The following PSD3 variants were observed in gnomAD, a reference collection of about 807,000 sequenced individuals.
The protein encoded by PSD3 is pleckstrin and Sec7 domain containing 3, also known as PH and SEC7 domain-containing protein 3.
A neutral mutation model predicts 105.5 loss-of-function variants in PSD3; 49 were observed. That is an observed-to-expected ratio of 0.46 (90% confidence interval 0.37 to 0.59). The LOEUF (loss-of-function observed/expected upper bound fraction) is 0.59, where lower values mean the gene tolerates loss of function less well. Among genes scored for constraint, PSD3 ranks in the 20% least tolerant of loss-of-function variants. PSD3 has a pLI of 0.00. For synonymous variants in PSD3, 557 were observed against 457.8 expected, an observed-to-expected ratio of 1.22 and a Z score of -2.77; for missense variants, 1,561 against 1,263.8, an observed-to-expected ratio of 1.24 and a Z score of -3.57.
rs185238336 is a variant in PSD3, at chr8:18,957,729, C to T, written c.22-21587G>A. Reference sequence around the variant, plus strand: ...TGCTCATCTAGAACACAGCAGTTTCCGAGGTTCTTATGAGGCTCTCTAGCA... The same window carrying T: ...TGCTCATCTAGAACACAGCAGTTTCTGAGGTTCTTATGAGGCTCTCTAGCA... On this transcript the variant is annotated intron_variant, in intron 1 of 15. Transcript: ENST00000327040. Among the ~76,000 whole-genome samples the T allele has an allele frequency of 2.0e-3, 307 of 152,298 alleles. 4 individuals are homozygous for T. The highest frequency in any genetic ancestry group is 0.019 in the Admixed American group (284 of 15,290).
chr8:18,573,783 T>C (rs1585276966), intron 13 of PSD3, among the ~76,000 whole-genome samples: 1 of 152,126 alleles, frequency 6.6e-6, no homozygotes, highest in East Asian at 1.9e-4. Flanking sequence ...TGCCTGGGGC[T>C]GGAGGTGAGA....
intron 1 of PSD3, among the ~76,000 whole-genome samples, chr8:18,975,319 T>A (rs372355882): frequency 5.0e-5 from 6 of 120,748 alleles, no homozygotes; most frequent in Admixed American, 3.4e-4. Flanking sequence ...CTGAAATTTT[T>A]TTTTTTTTTT....
At chr8:18,653,663 G>A (rs1808685085) in intron 10 of PSD3, among the ~76,000 whole-genome samples, 1 of 151,958 alleles carries the variant, frequency 6.6e-6, no homozygotes, top group Non-Finnish European at 1.5e-5. Flanking sequence ...CAGTTACTGG[G>A]TAAACTCCCG....
intron 9 of PSD3, among the ~76,000 whole-genome samples, chr8:18,730,521 C>T (rs745368587): frequency 6.6e-6 from 1 of 152,136 alleles, no homozygotes; most frequent in African/African-American, 2.4e-5. Flanking sequence ...ACCCTTAGTA[C>T]CTCTGAGGAA....
rs201369401 is a variant in PSD3, at chr8:18,872,020, C to T, written c.844G>A (p.Gly282Arg). 6.2e-7 allele frequency: 1 copy of T among 1,614,182 alleles called. No individual in the cohort carries two copies. The highest frequency in any genetic ancestry group is 8.5e-7 in the Non-Finnish European group (1 of 1,180,030). Reference protein sequence around the residue: ...QRSALGREHPGGCDRSSSMGR... With the variant: ...QRSALGREHPRGCDRSSSMGR... ...ATGGAGCTGCTTCGATCACATCCCC[C>T]TGGGTGCTCTCTCCCAAGAGCAGAC... Residue 282 changes from glycine (G) to arginine (R), a missense_variant, in exon 3 of 16, where the codon GGG (glycine) becomes AGG (arginine). Physicochemically the swap from Gly to Arg is moderately radical, Grantham distance 125 (BLOSUM62 -2). Coordinates refer to ENST00000327040, the MANE Select transcript of PSD3 (RefSeq NM_015310.4).
At chr8:18,920,974 CTTATAA>C (rs2129467233) in intron 2 of PSD3, among the ~76,000 whole-genome samples, 1 of 152,270 alleles carries the variant, frequency 6.6e-6, no homozygotes, top group South Asian at 2.1e-4. Flanking sequence ...TCTACCTATA[CTTATAA>C]TATTTTCAAA....
chr8:18,831,434 A>T (rs1188525472), intron 4 of PSD3, among the ~76,000 whole-genome samples: 2 of 152,204 alleles, frequency 1.3e-5, no homozygotes, highest in Non-Finnish European at 2.9e-5. Context: ...GTTCAACATG[A>T]CATCAGGCCA....
chr8:18,772,837 G>A (rs1414461433), intron 8 of PSD3, among the ~76,000 whole-genome samples: 2 of 152,090 alleles, frequency 1.3e-5, no homozygotes, highest in Non-Finnish European at 2.9e-5. Flanking sequence ...ACCATCTTTG[G>A]ATAAATATCT....
chr8:18,965,696 C>A (rs917050480), intron 1 of PSD3, among the ~76,000 whole-genome samples: 3 of 152,172 alleles, frequency 2.0e-5, no homozygotes, highest in East Asian at 1.9e-4. Flanking sequence ...GTCAAGCTTG[C>A]AAGATTCTGG....
At position 18,871,627 on chromosome 8, in the gene PSD3, T is replaced by C; in HGVS notation, c.1237A>G (p.Arg413Gly). 6.3e-7 allele frequency: 1 copy of C among 1,597,980 alleles called. No individual in the cohort carries two copies. Among genetic ancestry groups the C allele is most frequent in the East Asian group, 2.2e-5 (1 of 44,754 alleles). ...AGCAGGGCTACTATGGGAGCTCACC[T>C]TTCCCTGTCTCTCTCTGGTTTAGGT... ...KTPKPERDRE[R>G]ISEQEEHVKG... The change falls in exon 3 of 16, where the codon AGG becomes GGG. Residue 413 changes from arginine (R) to glycine (G), a missense_variant and splice_region_variant. Coordinates refer to ENST00000327040, the MANE Select transcript of PSD3 (RefSeq NM_015310.4).
chr8:18,990,006 C>T (rs1322107843), intron 1 of PSD3, among the ~76,000 whole-genome samples: 3 of 152,096 alleles, frequency 2.0e-5, no homozygotes, highest in South Asian at 2.1e-4. Context: ...TCTTCCTTTC[C>T]TTACACCCCA....
intron 2 of PSD3, among the ~76,000 whole-genome samples, chr8:18,933,386 CAA>C (rs34771726): frequency 1.5e-5 from 2 of 137,742 alleles, no homozygotes; most frequent in South Asian, 2.3e-4. Flanking sequence ...TTATTATAGC[CAA>C]AAAAAAAAAG....
At chr8:18,968,881 A>G (rs1299542941) in intron 1 of PSD3, among the ~76,000 whole-genome samples, 1 of 8,512 alleles carries the variant, frequency 1.2e-4, no homozygotes, top group Non-Finnish European at 7.9e-4. Context: ...AATGTCTCCA[A>G]AAAAAAAAAA....
At chr8:18,952,958 C>T (rs1164147533) in intron 1 of PSD3, among the ~76,000 whole-genome samples, 3 of 152,114 alleles carry the variant, frequency 2.0e-5, no homozygotes, top group African/African-American at 7.2e-5. Context: ...AGATAAAAGA[C>T]ATGTATCAAC....
At chr8:18,649,621 GAGA>G (rs1563420961) in intron 10 of PSD3, among the ~76,000 whole-genome samples, 1 of 152,176 alleles carries the variant, frequency 6.6e-6, no homozygotes, top group Non-Finnish European at 1.5e-5. Context: ...TTTGCAATGT[GAGA>G]AGGACATGAG....
At chr8:18,992,404 A>T (rs1254543279) in intron 1 of PSD3, among the ~76,000 whole-genome samples, 1 of 152,172 alleles carries the variant, frequency 6.6e-6, no homozygotes, top group Non-Finnish European at 1.5e-5. Flanking sequence ...TGTGCTTGGA[A>T]GTGTCTGGCA....
chr8:18,612,066 G>GA (rs1321782335), intron 11 of PSD3, among the ~76,000 whole-genome samples: 1 of 152,098 alleles, frequency 6.6e-6, no homozygotes, highest in Non-Finnish European at 1.5e-5. Context: ...CTGTAAAGAA[G>GA]AAAAACAAGC....
chr8:18,924,111 TAC>T (rs1215610260), intron 2 of PSD3, among the ~76,000 whole-genome samples: 1 of 152,166 alleles, frequency 6.6e-6, no homozygotes, highest in African/African-American at 2.4e-5. Flanking sequence ...CAGCCCATTC[TAC>T]AGATACGTGG....
chr8:19,058,999 T>G (rs971445559), intron 1 of PSD3, among the ~76,000 whole-genome samples: 2 of 152,194 alleles, frequency 1.3e-5, no homozygotes, highest in African/African-American at 4.8e-5. Flanking sequence ...ATAGCATATA[T>G]GGCTGGCAAG....
Sources: gnomAD v4.1 joint callset for allele counts (sites outside exome capture counted in the v4.1 genomes callset) on GRCh38, gnomAD v4.1.1 for gene constraint, MANE v1.5 for transcripts, NCBI Gene and HGNC (gene_info 2026-07-23, HGNC 2026-07-21) for gene names.